Variants in APAF1 observed in about 807,000 individuals in gnomAD.
The protein encoded by APAF1 is apoptotic protease-activating factor 1.
Under a neutral mutation model 152.4 loss-of-function variants are expected in APAF1, and 91 were observed. That is an observed-to-expected ratio of 0.60 (90% CI 0.50 to 0.71). The LOEUF is 0.71. Ranked by LOEUF, APAF1 falls within the 30% of genes least tolerant of loss-of-function variation. The pLI, the probability that APAF1 is intolerant of heterozygous loss-of-function variation, is 0.00. For synonymous variants in APAF1, 484 were observed against 494.1 expected, an observed-to-expected ratio of 0.98 and a Z score of 0.27; for missense variants, 1,283 against 1,472.0, an observed-to-expected ratio of 0.87 and a Z score of 2.10.
At position 98,671,677 on chromosome 12, in the gene APAF1, C is replaced by A. The variant is rs2097680298; in HGVS notation, c.1751C>A (p.Ala584Asp). 4 of 1,613,734 alleles carry A rather than the reference C, an allele frequency of 2.5e-6. No homozygotes were observed. The highest frequency in any genetic ancestry group is 3.4e-6 in the Non-Finnish European group (4 of 1,179,956). The change falls in exon 12 of 27, where the codon GCC (alanine) becomes GAC (aspartate). Residue 584 changes from alanine (A) to aspartate (D), a missense_variant. Ala to Asp is a moderately radical substitution (Grantham distance 126). Coordinates refer to ENST00000551964, the MANE Select transcript of APAF1 (RefSeq NM_181861.2). Reference sequence around the variant, plus strand: ...GTTTATCAGCAAGCTAAGCTGCAGGCCAAGCAGGAGGTCGATAATGGAATG... The same window carrying A: ...GTTTATCAGCAAGCTAAGCTGCAGGACAAGCAGGAGGTCGATAATGGAATG... Reference protein sequence around the residue: ...SEVYQQAKLQAKQEVDNGMLY... With the variant: ...SEVYQQAKLQDKQEVDNGMLY...
At chr12:98,700,549 T>C (rs2097714292) in intron 17 of APAF1, among the ~76,000 whole-genome samples, 1 of 152,174 alleles carries the variant, frequency 6.6e-6, no homozygotes, top group South Asian at 2.1e-4. Flanking sequence ...TTAAAATCTA[T>C]AAGAACAGAA....
intron 10 of APAF1, among the ~76,000 whole-genome samples, chr12:98,668,372 A>T (rs985415283): frequency 2.6e-5 from 4 of 152,162 alleles, no homozygotes; most frequent in Non-Finnish European, 5.9e-5. Flanking sequence ...GAGGAAATGG[A>T]TAGTGGAAAA....
chr12:98,664,872 A>G (rs2097670136), intron 7 of APAF1, among the ~76,000 whole-genome samples: 1 of 151,652 alleles, frequency 6.6e-6, no homozygotes, highest in Non-Finnish European at 1.5e-5. Flanking sequence ...GCATTTTCCC[A>G]TGTTGTTAAA....
chr12:98,670,709 ATATT>A (rs1052881267), intron 10 of APAF1, among the ~76,000 whole-genome samples: 3 of 152,012 alleles, frequency 2.0e-5, no homozygotes, highest in African/African-American at 7.2e-5. Flanking sequence ...GCTTACAAAA[ATATT>A]TATTTTTATT....
At chr12:98,667,759 C>A in intron 10 of APAF1, 115 bp downstream of exon 10, 182 of 652,054 alleles carry the variant, frequency 2.8e-4, no homozygotes, top group Middle Eastern at 4.5e-4. Flanking sequence ...TATTGCTTTC[C>A]ATTTGATTTT....
chr12:98,663,428 G>A (rs1039657986), intron 7 of APAF1, among the ~76,000 whole-genome samples: 2 of 152,048 alleles, frequency 1.3e-5, no homozygotes, highest in Admixed American at 6.6e-5. Flanking sequence ...TGCCCAGGCT[G>A]GTCTTGAACT....
intron 26 of APAF1, among the ~76,000 whole-genome samples, chr12:98,728,098 T>C (rs1366280705): frequency 6.6e-6 from 1 of 152,152 alleles, no homozygotes; most frequent in Non-Finnish European, 1.5e-5. Context: ...TGGGGAAGCT[T>C]TGGTGACAGT....
At chr12:98,694,230 C>A (rs150158913) in intron 16 of APAF1, among the ~76,000 whole-genome samples, 2 of 152,198 alleles carry the variant, frequency 1.3e-5, no homozygotes, top group East Asian at 3.9e-4. Context: ...AATTTTTGGC[C>A]AAGTCCTCAA....
chr12:98,699,481 C>G lies in APAF1; in HGVS notation c.2378C>G (p.Pro793Arg), dbSNP rs943472496. ...CAGTTCTTCCTAAATTTGGAGGACC[C>G]TCAAGAGGATATGGAAGTGATAGTG... ...VKQFFLNLED[P>R]QEDMEVIVKC... is the part of the protein sequence containing the mutation. The change falls in exon 17 of 27, where the codon CCT becomes CGT. Residue 793 changes from proline (P) to arginine (R), a missense_variant. Coordinates refer to ENST00000551964, the MANE Select transcript of APAF1 (RefSeq NM_181861.2). 6.2e-7 allele frequency: 1 copy of G among 1,614,040 alleles called. No individual in the cohort carries two copies. Among genetic ancestry groups the G allele is most frequent in the Admixed American group, 1.7e-5 (1 of 60,016 alleles).
chr12:98,695,412 TGGAGTGCA>T (rs2153331787), intron 16 of APAF1, among the ~76,000 whole-genome samples: 1 of 147,860 alleles, frequency 6.8e-6, no homozygotes, highest in East Asian at 2.2e-4. Flanking sequence ...GCTGGAGTGC[TGGAGTGCA>T]GTGGTGTGAT....
intron 18 of APAF1, 97 bp downstream of exon 18, chr12:98,703,596 G>C (rs939783124): frequency 6.7e-7 from 1 of 1,489,488 alleles, no homozygotes; most frequent in Admixed American, 1.7e-5. Context: ...GAGGAGCCTT[G>C]CTTGAGAAAT....
chr12:98,678,789 G>A (rs1309288135), intron 13 of APAF1, among the ~76,000 whole-genome samples: 1 of 152,244 alleles, frequency 6.6e-6, no homozygotes, highest in African/African-American at 2.4e-5. Flanking sequence ...GTTGCAGCCC[G>A]GCCAGATGTG....
chr12:98,715,653 T>C, intron 22 of APAF1, 101 bp downstream of exon 22: 1 of 1,359,488 alleles, frequency 7.4e-7, no homozygotes, highest in South Asian at 1.2e-5. Context: ...ACACATTACG[T>C]TGGGCATACA....
rs373040331 is a variant in APAF1 at position 98,648,703 on chromosome 12, C to T, written c.216C>T (p.Tyr72=). The T allele has an allele frequency of 3.1e-6, 5 of 1,613,472 alleles. No individual in the cohort carries two copies. The highest frequency in any genetic ancestry group is 4.2e-6 in the Non-Finnish European group (5 of 1,179,480). ...ATAATGATTCCTACGTATCATTCTA[C>T]AATGCTCTACTACATGAAGGATATA... is the stretch of plus-strand genomic sequence containing the variant. ...KKDNDSYVSF[Y]NALLHEGYKD... The change falls in exon 3 of 27, where the codon TAC becomes TAT. Residue 72 remains tyrosine, a synonymous_variant. Transcript: ENST00000551964.
At position 98,662,507 on chromosome 12, in the gene APAF1, T is replaced by C. The variant is rs1346712051; in HGVS notation, c.762T>C (p.Phe254=). ...GGGACTCTTGGGTGTTGAAAGCTTT[T>C]GACAGTCAGTGTCAGATTCTTCTTA... is the stretch of plus-strand genomic sequence containing the variant. ...DVWDSWVLKA[F]DSQCQILLTT... Residue 254 remains phenylalanine, a synonymous_variant, in exon 6 of 27, where the codon TTT becomes TTC. Transcript: ENST00000551964. The C allele has an allele frequency of 6.2e-7, 1 of 1,613,718 alleles. No individual in the cohort carries two copies. The highest frequency in any genetic ancestry group is 2.2e-5 in the East Asian group (1 of 44,776).
At chr12:98,680,137 T>C (rs937988086) in intron 13 of APAF1, 140 bp from the exon 14 acceptor site, 8 of 759,040 alleles carry the variant, frequency 1.1e-5, no homozygotes, top group Non-Finnish European at 1.7e-5. Flanking sequence ...ACAGAAATTC[T>C]GATTTTGGGA....
At chr12:98,694,079 A>C (rs1430634275) in intron 16 of APAF1, among the ~76,000 whole-genome samples, 1 of 152,216 alleles carries the variant, frequency 6.6e-6, no homozygotes, top group East Asian at 1.9e-4. Context: ...AGCCATATGC[A>C]GAAGAATGAA....
chr12:98,684,091 T>C (rs2097695322), intron 15 of APAF1, among the ~76,000 whole-genome samples: 1 of 152,130 alleles, frequency 6.6e-6, no homozygotes, highest in African/African-American at 2.4e-5. Context: ...CAATTGAACA[T>C]GATATTTTTG....
intron 4 of APAF1, among the ~76,000 whole-genome samples, chr12:98,657,451 G>A (rs149283781): frequency 2.6e-5 from 4 of 152,246 alleles, no homozygotes; most frequent in East Asian, 3.9e-4. Flanking sequence ...CATTGCTTAC[G>A]TCCTCTTTTC....
Sources: allele counts gnomAD v4.1 joint callset (sites outside exome capture counted in the v4.1 genomes callset), GRCh38; gene constraint gnomAD v4.1.1; transcripts MANE v1.5; gene names NCBI Gene and HGNC (gene_info 2026-07-23, HGNC 2026-07-21).